RIMS3: variants seen among roughly 807,000 people sequenced by gnomAD.
The protein encoded by RIMS3 is regulating synaptic membrane exocytosis 3.
RIMS3 carries 15 observed loss-of-function variants against 29.2 expected under a neutral mutation model. The observed-to-expected ratio is 0.51, with a 90% CI of 0.34 to 0.79. The LOEUF is 0.79. Ranked by LOEUF, RIMS3 falls within the 30% of genes least tolerant of loss-of-function variation. The pLI is 0.01. For synonymous variants in RIMS3, 161 were observed against 170.1 expected (o/e 0.95, Z 0.41); for missense variants, 342 against 421.4 (o/e 0.81, Z 1.65).
intron 1 of RIMS3, among the ~76,000 whole-genome samples, chr1:40,663,376 C>T (rs1642379586): frequency 6.6e-6 from 1 of 152,126 alleles, no homozygotes; most frequent in South Asian, 2.1e-4. Context: ...GGCACTGAGG[C>T]AGCTGTTGCC....
Position 40,626,522 on chromosome 1 carries a change from A to G in RIMS3, c.922T>C (p.Ser308Pro), listed in dbSNP as rs1213179655. The G allele has an allele frequency of 6.2e-7, 1 of 1,604,988 alleles. No homozygotes were observed. The highest frequency in any genetic ancestry group is 1.7e-5 in the Admixed American group (1 of 58,436). ...SLESATSPSC[S>P] is the part of the protein sequence containing the mutation. Reference sequence around the variant, plus strand: ...CTGGCCTCTTCCTGACATCCTTAAGAGCATGAGGGGCTGGTGGCACTCTCC... The same window carrying G: ...CTGGCCTCTTCCTGACATCCTTAAGGGCATGAGGGGCTGGTGGCACTCTCC... The change falls in exon 8 of 8, where the codon TCT becomes CCT. Residue 308 changes from serine to proline, a missense_variant. Coordinates refer to ENST00000372684, the MANE Select transcript of RIMS3 (RefSeq NM_014747.3).
At chr1:40,658,596 A>T (rs1463911720) in intron 1 of RIMS3, among the ~76,000 whole-genome samples, 1 of 152,192 alleles carries the variant, frequency 6.6e-6, no homozygotes, top group African/African-American at 2.4e-5. Context: ...AGCCAATCAG[A>T]TCCTCTCCTG....
At chr1:40,673,779 T>C in the RIMS3 span, among the ~76,000 whole-genome samples, 2 of 152,232 alleles carry the variant, frequency 1.3e-5, no homozygotes, top group Non-Finnish European at 2.9e-5. Flanking sequence ...TGGTGAAGAC[T>C]GCACAGTGGT....
chr1:40,642,753 C>T (rs979286084), intron 2 of RIMS3, among the ~76,000 whole-genome samples: 9 of 150,884 alleles, frequency 6.0e-5, no homozygotes, highest in East Asian at 3.9e-4. Context: ...GTCAGGAGTT[C>T]GAGACCAGCC....
intron 1 of RIMS3, among the ~76,000 whole-genome samples, chr1:40,653,437 G>A (rs1002341832): frequency 3.2e-4 from 48 of 152,154 alleles, no homozygotes; most frequent in African/African-American, 1.1e-3. Context: ...ACCGAGAAGA[G>A]GCCTGCCCAG....
Position 40,629,265 on chromosome 1 carries a change from C to T in RIMS3, c.574+6G>A. On this transcript the variant is annotated splice_donor_region_variant and intron_variant, in intron 6 of 7. Transcript: ENST00000372684. ...CTGTCAGGACCCCATTTCCAAAATC[C>T]CTCACCTGGGAGGGATTTGGAGCCT... The T allele has an allele frequency of 6.2e-7, 1 of 1,613,206 alleles. No homozygotes were observed. Among genetic ancestry groups the T allele is most frequent in the Non-Finnish European group, 8.5e-7 (1 of 1,179,194 alleles).
the RIMS3 span, among the ~76,000 whole-genome samples, chr1:40,671,434 C>T: frequency 3.2e-3 from 492 of 152,146 alleles, 6 homozygotes; most frequent in African/African-American, 0.011. Flanking sequence ...ATTTGTAATC[C>T]CCAGTGTTGG....
chr1:40,688,879 G>C, the RIMS3 span, among the ~76,000 whole-genome samples: 2 of 152,198 alleles, frequency 1.3e-5, no homozygotes, highest in African/African-American at 4.8e-5. Context: ...TGACGAGATT[G>C]ATTAGGTTCC....
chr1:40,626,328 A>C lies in RIMS3; in HGVS notation c.*189T>G. 1 of 619,964 alleles carries C rather than the reference A, an allele frequency of 1.6e-6. No individual in the cohort carries two copies. The highest frequency in any genetic ancestry group is 2.4e-5 in the Admixed American group (1 of 42,062). 38.4% of individuals were successfully genotyped at this position (619,964 alleles called of 1,614,324 possible). Reference sequence around the variant, plus strand: ...GAACAGATAGAACGTGGTCACGTACACACACACACACACGCACGCACACAC... The same window carrying C: ...GAACAGATAGAACGTGGTCACGTACCCACACACACACACGCACGCACACAC... On this transcript the variant is annotated 3_prime_UTR_variant, in exon 8 of 8. Transcript: ENST00000372684.
Position 40,626,334 on chromosome 1 carries a change from A to G in RIMS3, c.*183T>C, listed in dbSNP as rs536782148. 6.1e-6 allele frequency: 4 copies of G among 653,962 alleles called. No homozygotes were observed. The highest frequency in any genetic ancestry group is 1.1e-5 in the Non-Finnish European group (4 of 362,690). The allele number at this position is 653,962 out of a possible 1,614,324, so 40.5% of individuals were successfully genotyped here. On this transcript the variant is annotated 3_prime_UTR_variant, in exon 8 of 8. Coordinates refer to ENST00000372684, the MANE Select transcript of RIMS3 (RefSeq NM_014747.3). Reference sequence around the variant, plus strand: ...ATAGAACGTGGTCACGTACACACACACACACACGCACGCACACACGCACAC... The same window carrying G: ...ATAGAACGTGGTCACGTACACACACGCACACACGCACGCACACACGCACAC...
chr1:40,668,497 G>GGGGC (rs1642453564), upstream of RIMS3, among the ~76,000 whole-genome samples: 1 of 133,886 alleles, frequency 7.5e-6, no homozygotes, highest in Non-Finnish European at 1.6e-5. Flanking sequence ...TGGGCGGGGG[G>GGGGC]GGGGGGGTTG....
intron 5 of RIMS3, among the ~76,000 whole-genome samples, chr1:40,630,090 A>G (rs1041355331): frequency 6.7e-6 from 1 of 149,896 alleles, no homozygotes; most frequent in Non-Finnish European, 1.5e-5. Context: ...AAAAAAAAAG[A>G]AAGAAAGAAG....
the RIMS3 span, among the ~76,000 whole-genome samples, chr1:40,679,267 A>T: frequency 6.6e-6 from 1 of 152,140 alleles, no homozygotes; most frequent in Non-Finnish European, 1.5e-5. Flanking sequence ...AGCAGAGAGA[A>T]CAATGGCTTC....
At chr1:40,689,960 T>C in the RIMS3 span, among the ~76,000 whole-genome samples, 2 of 152,196 alleles carry the variant, frequency 1.3e-5, no homozygotes, top group Non-Finnish European at 2.9e-5. Flanking sequence ...CCTAGCTGCA[T>C]TTCTAATTCT....
chr1:40,689,634 G>T, the RIMS3 span, among the ~76,000 whole-genome samples: 15 of 152,106 alleles, frequency 9.9e-5, no homozygotes, highest in Non-Finnish European at 2.1e-4. Flanking sequence ...CAAGCTTGAC[G>T]ACATTAGGGT....
At chr1:40,659,724 C>T (rs1007192254) in intron 1 of RIMS3, among the ~76,000 whole-genome samples, 1 of 152,184 alleles carries the variant, frequency 6.6e-6, no homozygotes, top group Non-Finnish European at 1.5e-5. Flanking sequence ...GCGGAAATGA[C>T]GTTCGAGCTG....
intron 3 of RIMS3, among the ~76,000 whole-genome samples, chr1:40,639,182 C>T (rs923086009): frequency 6.6e-6 from 1 of 152,208 alleles, no homozygotes; most frequent in Non-Finnish European, 1.5e-5. Flanking sequence ...AATTCCTCCC[C>T]ACTTCACACA....
chr1:40,648,070 A>C (rs1259309689), intron 1 of RIMS3, among the ~76,000 whole-genome samples: 1 of 152,108 alleles, frequency 6.6e-6, no homozygotes, highest in Non-Finnish European at 1.5e-5. Context: ...AAGACCCACA[A>C]CTTTGAGATT....
At chr1:40,662,547 G>A (rs1243078004) in intron 1 of RIMS3, among the ~76,000 whole-genome samples, 3 of 152,200 alleles carry the variant, frequency 2.0e-5, no homozygotes, top group Admixed American at 6.5e-5. Context: ...GAGGTACCTG[G>A]TGGACTGAAT....
Sources: allele counts gnomAD v4.1 joint callset (sites outside exome capture counted in the v4.1 genomes callset), GRCh38; gene constraint gnomAD v4.1.1; transcripts MANE v1.5; gene names NCBI Gene and HGNC (gene_info 2026-07-23, HGNC 2026-07-21).